GON4L: variants seen among roughly 807,000 people sequenced by gnomAD.
The protein encoded by GON4L is gon-4 like.
In GON4L, 87 loss-of-function variants were observed where a neutral mutation model predicts 211.8. The ratio of observed to expected loss-of-function variants is 0.41; its 90% CI spans 0.35 to 0.49. The LOEUF is 0.49. Ranked by LOEUF, GON4L falls within the 20% of genes least tolerant of loss-of-function variation. The pLI is 0.15. For synonymous variants in GON4L, 875 were observed against 962.6 expected, an observed-to-expected ratio of 0.91 and a Z score of 1.68; for missense variants, 2,155 against 2,659.5, an observed-to-expected ratio of 0.81 and a Z score of 4.17.
rs757049684 is a variant in GON4L at position 155,766,124 on chromosome 1, G to A, written c.3349C>T (p.Arg1117Trp). Residue 1117 changes from arginine (R) to tryptophan (W), a missense_variant, in exon 21 of 32, where the codon CGG becomes TGG. By Grantham distance (101) the Arg-to-Trp change is moderately radical. This residue lies in a region of GON4L where 615 missense variants were observed against 625.7 expected (regional missense o/e 0.98). Transcript: ENST00000368331. ...ACTCCTCTTCTCTTTGAGGGTCTCC[G>A]TCTCACATATGGCTTTCGAAACTTA... ...PSKFRKPYVR[R>W]RPSKRRGVKA... 8.1e-6 allele frequency: 13 copies of A among 1,614,146 alleles called. No homozygotes were observed. The highest frequency in any genetic ancestry group is 2.2e-5 in the East Asian group (1 of 44,874).
chr1:155,770,083 T>C (rs1440494984), intron 19 of GON4L, among the ~76,000 whole-genome samples: 1 of 133,098 alleles, frequency 7.5e-6, no homozygotes, highest in Non-Finnish European at 1.6e-5. Flanking sequence ...TGGTGGCTCA[T>C]GCATATAATC....
intron 2 of GON4L, among the ~76,000 whole-genome samples, chr1:155,852,055 C>T (rs1671843047): frequency 6.6e-6 from 1 of 150,754 alleles, no homozygotes; most frequent in Non-Finnish European, 1.5e-5. Flanking sequence ...ATCCCAGCTA[C>T]TCGCGAGGCT....
Position 155,757,339 on chromosome 1 carries a change from G to A in GON4L, c.5254-16C>T. On this transcript the variant is annotated splice_polypyrimidine_tract_variant and intron_variant, in intron 25 of 31. Coordinates refer to ENST00000368331, the MANE Select transcript of GON4L (RefSeq NM_001282860.2). The stretch of plus-strand genomic sequence containing the variant: ...GTGTCTTGAGCTGAGGAGAGTCACA[G>A]AGGGAAAGAGGAAGTCTCCAGAGCC... 1.2e-6 allele frequency: 2 copies of A among 1,611,852 alleles called. No homozygotes were observed. Among genetic ancestry groups the A allele is most frequent in the East Asian group, 2.2e-5 (1 of 44,866 alleles).
At chr1:155,817,152 C>T (rs1668326937) in intron 6 of GON4L, among the ~76,000 whole-genome samples, 2 of 151,988 alleles carry the variant, frequency 1.3e-5, no homozygotes, top group East Asian at 3.9e-4. Flanking sequence ...CTCACCAGGC[C>T]TCACTAATTT....
chr1:155,808,291 G>A (rs1308409358), intron 10 of GON4L, among the ~76,000 whole-genome samples: 5 of 151,946 alleles, frequency 3.3e-5, no homozygotes, highest in South Asian at 2.1e-4. Flanking sequence ...CACCCGCCTC[G>A]GCCTCCCAAA....
intron 31 of GON4L, among the ~76,000 whole-genome samples, chr1:155,751,361 C>G (rs1170579255): frequency 2.6e-5 from 4 of 151,964 alleles, no homozygotes; most frequent in Non-Finnish European, 5.9e-5. Flanking sequence ...GCCTTGCCAA[C>G]ATGGTGAAAC....
At chr1:155,815,193 C>T (rs888301868) in intron 8 of GON4L, among the ~76,000 whole-genome samples, 2 of 152,046 alleles carry the variant, frequency 1.3e-5, no homozygotes, top group East Asian at 3.8e-4. Flanking sequence ...AATCCTTTTA[C>T]AAAACAATTC....
chr1:155,842,846 A>C (rs1410567249), intron 2 of GON4L, among the ~76,000 whole-genome samples: 2 of 152,164 alleles, frequency 1.3e-5, no homozygotes, highest in African/African-American at 4.8e-5. Context: ...CAAAAAAAAA[A>C]AACTTGGAAA....
intron 2 of GON4L, among the ~76,000 whole-genome samples, chr1:155,837,209 G>A (rs1049069087): frequency 6.6e-6 from 1 of 151,708 alleles, no homozygotes; most frequent in African/African-American, 2.4e-5. Flanking sequence ...CAAAATGAGG[G>A]TCCCAAATGA....
At chr1:155,818,315 T>A (rs1488915655) in intron 6 of GON4L, among the ~76,000 whole-genome samples, 1 of 152,064 alleles carries the variant, frequency 6.6e-6, no homozygotes, top group Non-Finnish European at 1.5e-5. Flanking sequence ...TTTCGCCATG[T>A]TGGCCAGGCT....
intron 2 of GON4L, among the ~76,000 whole-genome samples, chr1:155,829,381 G>A (rs963885136): frequency 1.2e-4 from 19 of 152,182 alleles, no homozygotes; most frequent in East Asian, 9.7e-4. Context: ...CAAGGTGGGC[G>A]GACTGCCTGA....
intron 12 of GON4L, among the ~76,000 whole-genome samples, chr1:155,790,248 A>C (rs1001942069): frequency 6.6e-6 from 1 of 151,952 alleles, no homozygotes; most frequent in Non-Finnish European, 1.5e-5. Context: ...TACAGGCGTG[A>C]GCCACCACAC....
In GON4L at chr1:155,765,654, T is replaced by G; in HGVS notation, c.3819A>C (p.Leu1273=). ...PKVEHSPGPP[L]ADAECQEGLS... ...ATCCTTCTTGGCACTCTGCATCTGC[T>G]AGTGGAGGCCCTGGGCTATGTTCCA... The change falls in exon 21 of 32, where the codon CTA becomes CTC. Residue 1273 remains leucine, a synonymous_variant. Coordinates refer to ENST00000368331, the MANE Select transcript of GON4L (RefSeq NM_001282860.2). 6.2e-7 allele frequency: 1 copy of G among 1,614,206 alleles called. No individual in the cohort carries two copies. Among genetic ancestry groups the G allele is most frequent in the Non-Finnish European group, 8.5e-7 (1 of 1,180,036 alleles).
At chr1:155,840,781 C>G (rs1038854111) in intron 2 of GON4L, among the ~76,000 whole-genome samples, 19 of 152,128 alleles carry the variant, frequency 1.2e-4, no homozygotes, top group African/African-American at 4.6e-4. Context: ...GCCTGTAATC[C>G]CAGCACTCTG....
At chr1:155,786,839 C>T (rs959479780) in intron 12 of GON4L, among the ~76,000 whole-genome samples, 1 of 152,004 alleles carries the variant, frequency 6.6e-6, no homozygotes, top group African/African-American at 2.4e-5. Context: ...AACTCCTGGG[C>T]TCCAGCGATC....
intron 2 of GON4L, chr1:155,832,833 A>G (rs1669924582): frequency 6.6e-6 from 1 of 152,192 alleles, no homozygotes; most frequent in Non-Finnish European, 1.5e-5. Flanking sequence ...AACACATACT[A>G]AACAGCAGGG....
intron 3 of GON4L, among the ~76,000 whole-genome samples, chr1:155,824,811 G>A (rs1669045464): frequency 6.7e-6 from 1 of 150,126 alleles, no homozygotes; most frequent in Non-Finnish European, 1.5e-5. Context: ...GTAACAATGG[G>A]CACAAGGAAG....
Position 155,753,302 on chromosome 1 carries a change from T to C in GON4L, c.5744A>G (p.Asp1915Gly). ...PGAKEAGQGK[D>G]MMEEEAPEER... ...CTCTGGGGCTTCCTCTTCCATCATATCCTTGCCCTGCCCAGCTTCCTTAGC... is the reference window on the plus strand; with the variant it reads ...CTCTGGGGCTTCCTCTTCCATCATACCCTTGCCCTGCCCAGCTTCCTTAGC... Residue 1915 changes from aspartate to glycine, a missense_variant, in exon 29 of 32, where the codon GAT (aspartate) becomes GGT (glycine). Physicochemically the swap from Asp to Gly is moderately conservative, Grantham distance 94 (BLOSUM62 -1). Transcript: ENST00000368331. 1 of 1,613,650 alleles carries C rather than the reference T, an allele frequency of 6.2e-7. No individual in the cohort carries two copies. The highest frequency in any genetic ancestry group is 8.5e-7 in the Non-Finnish European group (1 of 1,179,826).
chr1:155,832,828 A>C (rs1287727888), intron 2 of GON4L: 1 of 152,204 alleles, frequency 6.6e-6, no homozygotes, highest in Non-Finnish European at 1.5e-5. Context: ...ACAAAAACAC[A>C]TACTAAACAG....
Sources: gnomAD v4.1 joint callset for allele counts (sites outside exome capture counted in the v4.1 genomes callset) on GRCh38, gnomAD v4.1.1 for gene constraint, gnomAD v4.1.1 regional missense constraint, MANE v1.5 for transcripts, NCBI Gene and HGNC (gene_info 2026-07-23, HGNC 2026-07-21) for gene names.